The following COPS3 variants were observed in gnomAD, a reference collection of about 807,000 sequenced individuals.
The protein encoded by COPS3 is COP9 signalosome subunit 3, also known as COP9 signalosome complex subunit 3.
In COPS3, 10 loss-of-function variants were observed where a neutral mutation model predicts 58.2. That is an observed-to-expected ratio of 0.17 (90% CI 0.11 to 0.29). The LOEUF (loss-of-function observed/expected upper bound fraction) is 0.29, where lower values mean the gene tolerates loss of function less well. COPS3 is among the 10% of genes least tolerant of loss of function. The pLI is 1.00. For missense variants in COPS3, 333 were observed against 510.1 expected (o/e 0.65, Z 3.34); for synonymous variants, 187 against 181.7 (o/e 1.03, Z -0.24).
At position 17,253,275 on chromosome 17, in the gene COPS3, G is replaced by A. The variant is rs1169939743; in HGVS notation, c.1023+1584C>T. On this transcript the variant is annotated intron_variant, in intron 9 of 11. Coordinates refer to ENST00000268717, the MANE Select transcript of COPS3 (RefSeq NM_003653.4). ...TACTCCAAATTCTGAAATCATACAA[G>A]GGGTCATATGAAGCTTTGCCTGTCC... Among the ~76,000 whole-genome samples, 3 of 152,242 alleles carry A rather than the reference G, an allele frequency of 2.0e-5. No individual in the cohort carries two copies. The East Asian group carries it at 5.8e-4, about 29-fold the overall frequency.
At chr17:17,260,204 C>G in intron 8 of COPS3, 97 bp downstream of exon 8, 1 of 1,196,638 alleles carries the variant, frequency 8.4e-7, no homozygotes, top group African/African-American at 1.5e-5. Flanking sequence ...CATGCTTTAT[C>G]CCTGTACCTG....
chr17:17,280,449 A>C (rs2048552281), intron 1 of COPS3: 2 of 716,960 alleles, frequency 2.8e-6, no homozygotes, highest in South Asian at 5.0e-5. Context: ...AATCTCAGCT[A>C]CTCGGGAGGC....
At chr17:17,262,164 T>C (rs41283375) in intron 6 of COPS3, 58 bp from the exon 7 acceptor site, 18,382 of 1,470,358 alleles carry the variant, frequency 0.013, 135 homozygotes, top group Non-Finnish European at 0.014. Flanking sequence ...CAAACAACAA[T>C]CAACCACATG....
At chr17:17,257,471 C>T (rs1273241317) in intron 8 of COPS3, among the ~76,000 whole-genome samples, 3 of 151,714 alleles carry the variant, frequency 2.0e-5, no homozygotes, top group Non-Finnish European at 4.4e-5. Flanking sequence ...TATGCATACA[C>T]ATAGAAAAGA....
chr17:17,266,255 G>A (rs1176961874), intron 5 of COPS3, among the ~76,000 whole-genome samples: 1 of 152,004 alleles, frequency 6.6e-6, no homozygotes, highest in East Asian at 1.9e-4. Flanking sequence ...TCATCTCCAA[G>A]ATATGTTAAA....
rs551012400 is a variant in COPS3 at position 17,250,989 on chromosome 17, CTATT to C, written c.1024-1954_1024-1951del. Among the ~76,000 whole-genome samples the C allele has an allele frequency of 5.2e-4, 79 of 152,120 alleles. No homozygotes were observed. The East Asian group carries it at 0.01, about 20-fold the overall frequency. On this transcript the variant is annotated intron_variant, in intron 9 of 11. Transcript: ENST00000268717. ...AACTGGAAACAACCCCAATGTCTAA[CTATT>C]TATTTATTTACATTATTTGAGACAA...
In COPS3 at chr17:17,280,559, G is replaced by A. The variant is rs868056904; in HGVS notation, c.55+573C>T. The A allele has an allele frequency of 2.3e-5, 29 of 1,267,780 alleles. No individual in the cohort carries two copies. In the African/African-American group the frequency reaches 3.3e-4, roughly 14 times the overall value. 78.5% of individuals were successfully genotyped at this position (1,267,780 alleles called of 1,614,324 possible). A position where few individuals can be genotyped will look rare whatever the true frequency, so the allele number is the denominator to read the frequency against. Reference sequence around the variant, plus strand: ...TCGGCTAAAAAAAAACAAAGAAGAAGAAATGGAGTCCTACGAGCGAGAGCT... The same window carrying A: ...TCGGCTAAAAAAAAACAAAGAAGAAAAAATGGAGTCCTACGAGCGAGAGCT... On this transcript the variant is annotated intron_variant, in intron 1 of 11. Coordinates refer to ENST00000268717, the MANE Select transcript of COPS3 (RefSeq NM_003653.4).
intron 9 of COPS3, among the ~76,000 whole-genome samples, chr17:17,252,017 T>C (rs180786713): frequency 0.03 from 4,518 of 151,056 alleles, 94 homozygotes; most frequent in African/African-American, 0.058. Context: ...TGCAGTGAGC[T>C]GAGATCGCAC....
intron 5 of COPS3, 110 bp downstream of exon 5, chr17:17,267,775 C>G: frequency 9.3e-7 from 1 of 1,071,992 alleles, no homozygotes; most frequent in Non-Finnish European, 1.3e-6. Flanking sequence ...ACTTCTATAA[C>G]ACATCACAAT....
intron 9 of COPS3, among the ~76,000 whole-genome samples, chr17:17,254,005 G>T (rs919986008): frequency 3.3e-5 from 5 of 151,406 alleles, no homozygotes; most frequent in Non-Finnish European, 5.9e-5. Flanking sequence ...TAAAATAAAA[G>T]AAAATAATAA....
chr17:17,254,653 T>C (rs955479103), intron 9 of COPS3, among the ~76,000 whole-genome samples: 2 of 150,802 alleles, frequency 1.3e-5, no homozygotes, highest in African/African-American at 4.9e-5. Flanking sequence ...CTACTAAAAA[T>C]ACAAAAATTT....
At chr17:17,265,576 T>C (rs1166621089) in intron 5 of COPS3, among the ~76,000 whole-genome samples, 1 of 152,014 alleles carries the variant, frequency 6.6e-6, no homozygotes, top group East Asian at 1.9e-4. Context: ...TTTTTGTATT[T>C]TTAGTAGAGA....
chr17:17,260,664 G>A (rs868609583), intron 7 of COPS3, 190 bp from the exon 8 acceptor site: 7 of 468,364 alleles, frequency 1.5e-5, no homozygotes, highest in Middle Eastern at 6.2e-4. Context: ...TTAACTGAGC[G>A]TGATAGCACA....
At chr17:17,275,148 T>C (rs2145257570) in intron 2 of COPS3, among the ~76,000 whole-genome samples, 1 of 151,572 alleles carries the variant, frequency 6.6e-6, no homozygotes, top group Admixed American at 6.6e-5. Flanking sequence ...TGGAGTGCAG[T>C]GGTGCAATCT....
Position 17,281,191 on chromosome 17 carries a change from T to G in COPS3, c.-5A>C, listed in dbSNP as rs1338592334. The G allele has an allele frequency of 6.2e-7, 1 of 1,609,158 alleles. No homozygotes were observed. Among genetic ancestry groups the G allele is most frequent in the Admixed American group, 1.7e-5 (1 of 59,396 alleles). ...CTGCTCCAGGGCAGACGCCATGTTT[T>G]CCCCCGGGCGGCCCGAGCGGCGAAG... On this transcript the variant is annotated 5_prime_UTR_variant, in exon 1 of 12. Transcript: ENST00000268717.
At chr17:17,255,994 C>G (rs1829813916) in intron 8 of COPS3, among the ~76,000 whole-genome samples, 1 of 149,992 alleles carries the variant, frequency 6.7e-6, no homozygotes. Flanking sequence ...GTGGTGAAAC[C>G]CTGTCTCTAC....
At chr17:17,251,291 G>A (rs12325679) in intron 9 of COPS3, among the ~76,000 whole-genome samples, 77,671 of 150,346 alleles carry the variant, frequency 0.52, 20,357 homozygotes, top group East Asian at 0.63. Flanking sequence ...ACCATACCCG[G>A]CCTATTTATT....
intron 9 of COPS3, among the ~76,000 whole-genome samples, chr17:17,254,421 T>C (rs1253775528): frequency 1.8e-4 from 28 of 152,190 alleles, no homozygotes; most frequent in East Asian, 1.9e-4. Context: ...GTGGTAGACT[T>C]TGGAGGCTCC....
At chr17:17,251,585 C>A (rs976363553) in intron 9 of COPS3, among the ~76,000 whole-genome samples, 7 of 151,848 alleles carry the variant, frequency 4.6e-5, no homozygotes, top group Non-Finnish European at 8.8e-5. Flanking sequence ...GGCACCACGC[C>A]CAGCCTGTCC....
Sources: allele counts gnomAD v4.1 joint callset (sites outside exome capture counted in the v4.1 genomes callset), GRCh38; gene constraint gnomAD v4.1.1; transcripts MANE v1.5; gene names NCBI Gene and HGNC (gene_info 2026-07-23, HGNC 2026-07-21).